The following MYT1L variants were observed in gnomAD, a reference collection of about 807,000 sequenced individuals.
MYT1L encodes the protein myelin transcription factor 1 like.
In MYT1L, 12 loss-of-function variants were observed where a neutral mutation model predicts 126.7. That is an observed-to-expected ratio of 0.09 (90% CI 0.06 to 0.15). The LOEUF (loss-of-function observed/expected upper bound fraction) is 0.15, where lower values mean the gene tolerates loss of function less well. MYT1L is among the 10% of genes least tolerant of loss of function. MYT1L has a pLI of 1.00. For synonymous variants in MYT1L, 541 were observed against 604.2 expected, an observed-to-expected ratio of 0.90 and a Z score of 1.53; for missense variants, 979 against 1,585.2, an observed-to-expected ratio of 0.62 and a Z score of 6.49.
rs77888418 is a variant in MYT1L at position 2,172,611 on chromosome 2, C to T, written c.-304+261G>A. Among the ~76,000 whole-genome samples the T allele has an allele frequency of 5.3e-4, 81 of 152,328 alleles. 1 individual carries two copies. In the East Asian group the frequency reaches 0.014, roughly 27 times the overall value. On this transcript the variant is annotated intron_variant, in intron 3 of 24. Coordinates refer to ENST00000647738, the MANE Select transcript of MYT1L (RefSeq NM_001303052.2). ...GCTGCCTGCAGCAATCCTGGGAGCCCCGTGCTGGGCAGGAGTACCTGCACT... is the reference window on the plus strand; with the variant it reads ...GCTGCCTGCAGCAATCCTGGGAGCCTCGTGCTGGGCAGGAGTACCTGCACT...
chr2:2,146,379 AGT>A (rs1319034856), intron 3 of MYT1L, among the ~76,000 whole-genome samples: 1 of 152,040 alleles, frequency 6.6e-6, no homozygotes, highest in African/African-American at 2.4e-5. Context: ...GGGCCTGGAG[AGT>A]GTGGCCGGGC....
chr2:1,857,500 GTTC>G (rs1432862584), intron 18 of MYT1L, among the ~76,000 whole-genome samples: 2 of 152,154 alleles, frequency 1.3e-5, no homozygotes, highest in African/African-American at 4.8e-5. Context: ...GAGACTTTGA[GTTC>G]TTCTAAGAAT....
chr2:1,795,953 G>C (rs1451289684), intron 23 of MYT1L, among the ~76,000 whole-genome samples: 2 of 152,200 alleles, frequency 1.3e-5, no homozygotes, highest in Non-Finnish European at 2.9e-5. Context: ...ACCTGGAGTA[G>C]AGAAAGGTCA....
At chr2:1,797,267 T>A (rs986398426) in intron 23 of MYT1L, among the ~76,000 whole-genome samples, 3 of 152,168 alleles carry the variant, frequency 2.0e-5, no homozygotes, top group Non-Finnish European at 4.4e-5. Context: ...TCTTTTTTTT[T>A]CTTTTCCCGC....
At chr2:2,204,333 A>C (rs918983708) in intron 2 of MYT1L, among the ~76,000 whole-genome samples, 19 of 151,774 alleles carry the variant, frequency 1.3e-4, no homozygotes, top group South Asian at 1.2e-3. Flanking sequence ...CAACCTACAG[A>C]ATGGGAGAAA....
rs2045882968 is a variant in MYT1L at position 1,868,544 on chromosome 2, G to C, written c.2712-16841C>G. Among the ~76,000 whole-genome samples the C allele has an allele frequency of 2.0e-5, 3 of 152,196 alleles. No individual in the cohort carries two copies. In the South Asian group the frequency reaches 6.2e-4, roughly 32 times the overall value. On this transcript the variant is annotated intron_variant, in intron 18 of 24. Coordinates refer to ENST00000647738, the MANE Select transcript of MYT1L (RefSeq NM_001303052.2). ...TTCCTGTCTTATCAGCACTGGCAAGGAGCAGGTCTCCAGAGCCCCCTCTCC... is the reference window on the plus strand; with the variant it reads ...TTCCTGTCTTATCAGCACTGGCAAGCAGCAGGTCTCCAGAGCCCCCTCTCC...
chr2:2,028,401 G>A (rs2065863597), intron 4 of MYT1L, among the ~76,000 whole-genome samples: 2 of 152,198 alleles, frequency 1.3e-5, no homozygotes, highest in African/African-American at 4.8e-5. Flanking sequence ...TGAAGGGACT[G>A]AATAGTAGAT....
chr2:1,957,592 CTATCTAT>C (rs1461432654), intron 8 of MYT1L, among the ~76,000 whole-genome samples: 1 of 149,938 alleles, frequency 6.7e-6, no homozygotes, highest in Non-Finnish European at 1.5e-5. Context: ...ATCCATCTAT[CTATCTAT>C]TATCTATCTA....
At chr2:2,262,334 A>G (rs2094990004) in intron 2 of MYT1L, among the ~76,000 whole-genome samples, 1 of 152,150 alleles carries the variant, frequency 6.6e-6, no homozygotes, top group South Asian at 2.1e-4. Context: ...GATTCCTTCC[A>G]GCCTGGGTGA....
At chr2:1,988,877 C>T (rs2061255905) in intron 5 of MYT1L, among the ~76,000 whole-genome samples, 1 of 152,194 alleles carries the variant, frequency 6.6e-6, no homozygotes, top group Non-Finnish European at 1.5e-5. Context: ...CTTCTTATTT[C>T]CATGTCTGGG....
At chr2:2,254,097 A>G (rs543001462) in intron 2 of MYT1L, among the ~76,000 whole-genome samples, 5 of 152,318 alleles carry the variant, frequency 3.3e-5, no homozygotes, top group Admixed American at 3.3e-4. Flanking sequence ...TTACTCACAG[A>G]ATTCTGCACT....
intron 1 of MYT1L, among the ~76,000 whole-genome samples, chr2:2,308,888 A>G (rs2095904422): frequency 6.6e-6 from 1 of 151,100 alleles, no homozygotes; most frequent in African/African-American, 2.4e-5. Flanking sequence ...TTCTATCTAT[A>G]CTCTCCCTGT....
chr2:2,255,722 C>T (rs541186404), intron 2 of MYT1L, among the ~76,000 whole-genome samples: 3 of 152,230 alleles, frequency 2.0e-5, no homozygotes, highest in South Asian at 2.1e-4. Context: ...GTACAGAAGC[C>T]GTCTTCATCC....
intron 21 of MYT1L, among the ~76,000 whole-genome samples, chr2:1,820,161 CCA>C (rs1212785150): frequency 5.9e-5 from 9 of 152,240 alleles, no homozygotes; most frequent in Non-Finnish European, 1.3e-4. Context: ...GCTTGGTCAC[CCA>C]TTGGATGGGG....
At chr2:1,883,297 T>C (rs932561179) in intron 18 of MYT1L, among the ~76,000 whole-genome samples, 3 of 152,222 alleles carry the variant, frequency 2.0e-5, no homozygotes, top group Non-Finnish European at 2.9e-5. Flanking sequence ...TTGGCTCACA[T>C]TGGTCATACC....
intron 8 of MYT1L, among the ~76,000 whole-genome samples, chr2:1,945,588 C>G (rs1478043833): frequency 6.6e-6 from 1 of 152,032 alleles, no homozygotes; most frequent in Non-Finnish European, 1.5e-5. Flanking sequence ...GATGTTCAAC[C>G]TTATACATTA....
At chr2:2,089,649 A>C (rs111250196) in intron 3 of MYT1L, among the ~76,000 whole-genome samples, 4 of 152,316 alleles carry the variant, frequency 2.6e-5, no homozygotes, top group African/African-American at 7.2e-5. Context: ...CTCATTATAC[A>C]GATGGACGGA....
chr2:2,320,834 A>G (rs2096150937), intron 1 of MYT1L, among the ~76,000 whole-genome samples: 1 of 152,222 alleles, frequency 6.6e-6, no homozygotes. Context: ...AGCTGCCATT[A>G]GCACATACAG....
intron 21 of MYT1L, among the ~76,000 whole-genome samples, chr2:1,813,039 G>GT (rs1184848995): frequency 6.6e-6 from 1 of 152,174 alleles, no homozygotes; most frequent in African/African-American, 2.4e-5. Flanking sequence ...GCCCGGCTCA[G>GT]TATGATCCTC....
Sources: gnomAD v4.1 joint callset for allele counts (sites outside exome capture counted in the v4.1 genomes callset) on GRCh38, gnomAD v4.1.1 for gene constraint, MANE v1.5 for transcripts, NCBI Gene and HGNC (gene_info 2026-07-23, HGNC 2026-07-21) for gene names.